NBEA: variants seen among roughly 807,000 people sequenced by gnomAD.
NBEA encodes lysosomal-trafficking regulator 2.
In NBEA, 44 loss-of-function variants were observed where a neutral mutation model predicts 343.4. The ratio of observed to expected loss-of-function variants is 0.13; its 90% confidence interval spans 0.10 to 0.16. The LOEUF (loss-of-function observed/expected upper bound fraction) is 0.16, where lower values mean the gene tolerates loss of function less well. Ranked by LOEUF, NBEA falls within the 10% of genes least tolerant of loss-of-function variation. The pLI is 1.00. For missense variants in NBEA, 2,555 were observed against 3,631.3 expected (o/e 0.70, Z 7.62); for synonymous variants, 1,175 against 1,238.7 (o/e 0.95, Z 1.08).
At chr13:35,434,075 C>T (rs1218813773) in intron 39 of NBEA, among the ~76,000 whole-genome samples, 2 of 152,042 alleles carry the variant, frequency 1.3e-5, no homozygotes, top group Non-Finnish European at 2.9e-5. Context: ...CTACAGATTA[C>T]TTTTAAGCAA....
At chr13:35,418,619 A>G (rs1456789834) in intron 38 of NBEA, among the ~76,000 whole-genome samples, 13 of 152,076 alleles carry the variant, frequency 8.5e-5, no homozygotes, top group Admixed American at 8.5e-4. Context: ...GAAATAGACA[A>G]GAAGGAGTTT....
intron 41 of NBEA, among the ~76,000 whole-genome samples, chr13:35,480,430 A>G (rs1021234695): frequency 2.0e-5 from 3 of 152,124 alleles, no homozygotes; most frequent in Admixed American, 6.5e-5. Context: ...GAAAAAAGGT[A>G]TCTGTTAAAG....
Position 35,472,654 on chromosome 13 carries a change from G to T in NBEA, c.6585+118G>T, listed in dbSNP as rs1399033070. Reference sequence around the variant, plus strand: ...GGAGCACATTCTCCTCTTTCTCATAGAAAATAAAATGAATGAAATAGCATG... The same window carrying T: ...GGAGCACATTCTCCTCTTTCTCATATAAAATAAAATGAATGAAATAGCATG... On this transcript the variant is annotated intron_variant, in intron 41 of 58. Transcript: ENST00000379939. 4 of 991,556 alleles carry T rather than the reference G, an allele frequency of 4.0e-6. No individual in the cohort carries two copies. In the East Asian group the frequency reaches 7.4e-5, roughly 18 times the overall value. 61.4% of individuals were successfully genotyped at this position (991,556 alleles called of 1,614,324 possible).
chr13:35,560,882 A>G (rs966675211), intron 44 of NBEA, among the ~76,000 whole-genome samples: 1 of 152,192 alleles, frequency 6.6e-6, no homozygotes, highest in Non-Finnish European at 1.5e-5. Flanking sequence ...CCACCATACC[A>G]GCAGTTCTCA....
intron 56 of NBEA, among the ~76,000 whole-genome samples, chr13:35,667,068 T>TA (rs1470017495): frequency 6.6e-6 from 1 of 152,194 alleles, no homozygotes; most frequent in East Asian, 1.9e-4. Flanking sequence ...GTCTGGCACA[T>TA]AAAGTCTTTT....
At chr13:35,415,809 A>G (rs1017112208) in intron 38 of NBEA, among the ~76,000 whole-genome samples, 1 of 152,112 alleles carries the variant, frequency 6.6e-6, no homozygotes, top group African/African-American at 2.4e-5. Flanking sequence ...CATTGAATCT[A>G]TAAATTACCT....
At chr13:35,290,541 A>C in intron 35 of NBEA, 91 bp downstream of exon 35, 1 of 832,838 alleles carries the variant, frequency 1.2e-6, no homozygotes, top group East Asian at 2.7e-5. Context: ...GTGTATGTTT[A>C]TATATTTTTA....
chr13:35,184,899 T>A (rs978934273), intron 30 of NBEA, among the ~76,000 whole-genome samples: 12 of 152,134 alleles, frequency 7.9e-5, no homozygotes, highest in Non-Finnish European at 1.2e-4. Context: ...GTGTACGCAC[T>A]CTGCAAAATT....
intron 1 of NBEA, among the ~76,000 whole-genome samples, chr13:34,976,154 C>T (rs908710087): frequency 2.0e-5 from 3 of 151,960 alleles, no homozygotes; most frequent in African/African-American, 7.3e-5. Context: ...TTTGCAATTG[C>T]AAAAATATGG....
At chr13:34,951,720 G>C (rs2059355317) in intron 1 of NBEA, among the ~76,000 whole-genome samples, 1 of 152,188 alleles carries the variant, frequency 6.6e-6, no homozygotes, top group African/African-American at 2.4e-5. Context: ...GGTAACACCA[G>C]TTCCTTTGTG....
At chr13:35,181,508 G>GT (rs761872439) in intron 28 of NBEA, among the ~76,000 whole-genome samples, 2,126 of 142,028 alleles carry the variant, frequency 0.015, 38 homozygotes, top group African/African-American at 0.042. Flanking sequence ...TTTTGGATGA[G>GT]TTTTTTTTTT....
At chr13:35,128,385 A>G (rs1167259579) in intron 17 of NBEA, among the ~76,000 whole-genome samples, 1 of 152,212 alleles carries the variant, frequency 6.6e-6, no homozygotes, top group Admixed American at 6.5e-5. Flanking sequence ...CAGGAGAAAC[A>G]GACAGTCACT....
intron 41 of NBEA, among the ~76,000 whole-genome samples, chr13:35,498,943 G>A (rs1162592243): frequency 2.0e-5 from 3 of 152,046 alleles, no homozygotes; most frequent in Admixed American, 2.0e-4. Context: ...GCTGTTTAAA[G>A]AAAGAGTACT....
intron 11 of NBEA, among the ~76,000 whole-genome samples, chr13:35,102,458 G>A (rs1289085773): frequency 6.6e-6 from 1 of 151,446 alleles, no homozygotes; most frequent in East Asian, 1.9e-4. Context: ...AAAACATGAG[G>A]ATTTTTATTG....
At chr13:35,360,802 AAG>A (rs1338680720) in intron 38 of NBEA, among the ~76,000 whole-genome samples, 2 of 152,034 alleles carry the variant, frequency 1.3e-5, no homozygotes, top group African/African-American at 4.8e-5. Flanking sequence ...AATTGAAGAA[AAG>A]AGAGAAATCA....
intron 36 of NBEA, among the ~76,000 whole-genome samples, chr13:35,347,323 A>G (rs2039935321): frequency 6.6e-6 from 1 of 152,018 alleles, no homozygotes; most frequent in Non-Finnish European, 1.5e-5. Flanking sequence ...AAAAAAGTTG[A>G]TATATTTCAT....
intron 1 of NBEA, among the ~76,000 whole-genome samples, chr13:35,036,317 T>A (rs1260234269): frequency 6.6e-6 from 1 of 152,152 alleles, no homozygotes; most frequent in African/African-American, 2.4e-5. Flanking sequence ...CCTTGCTTTT[T>A]AACTTTTTGT....
At chr13:35,393,828 A>G (rs768009740) in intron 38 of NBEA, among the ~76,000 whole-genome samples, 7 of 152,142 alleles carry the variant, frequency 4.6e-5, no homozygotes, top group Admixed American at 3.3e-4. Flanking sequence ...TTGATTAGAC[A>G]GAGCAAACCT....
chr13:35,158,954 A>T, intron 21 of NBEA, 62 bp from the exon 22 acceptor site: 1 of 1,333,118 alleles, frequency 7.5e-7, no homozygotes, highest in Non-Finnish European at 1.0e-6. Context: ...AATTTGTATT[A>T]TTTAGTTTTT....
Sources: gnomAD v4.1 joint callset for allele counts (sites outside exome capture counted in the v4.1 genomes callset) on GRCh38, gnomAD v4.1.1 for gene constraint, MANE v1.5 for transcripts, NCBI Gene and HGNC (gene_info 2026-07-23, HGNC 2026-07-21) for gene names.